Variants in ERBB3 observed in about 807,000 individuals in gnomAD.
ERBB3 encodes the protein receptor tyrosine-protein kinase erbB-3.
Under a neutral mutation model 156.7 loss-of-function variants are expected in ERBB3, and 96 were observed. The observed-to-expected ratio is 0.61, with a 90% CI of 0.52 to 0.73. The LOEUF (loss-of-function observed/expected upper bound fraction) is 0.73. Ranked by LOEUF, ERBB3 falls within the 30% of genes least tolerant of loss-of-function variation. The pLI is 0.00. For synonymous variants in ERBB3, 567 were observed against 632.0 expected (o/e 0.90, Z 1.54); for missense variants, 1,406 against 1,709.4 (o/e 0.82, Z 3.13).
chr12:56,097,302 G>C lies in ERBB3; in HGVS notation c.2460+72G>C, dbSNP rs1868921525. The C allele has an allele frequency of 1.1e-5, 16 of 1,500,698 alleles. No individual in the cohort carries two copies. In the South Asian group the frequency reaches 1.8e-4, roughly 17 times the overall value. 93.0% of individuals were successfully genotyped at this position (1,500,698 alleles called of 1,614,324 possible). A position where few individuals can be genotyped will look rare whatever the true frequency, so the allele number is the denominator to read the frequency against. ...GGGCCAGCCAGGAAAAAGTGAGAAGGTTGAAGTTCTGAGAGGTGAGGTCCC... is the reference window on the plus strand; with the variant it reads ...GGGCCAGCCAGGAAAAAGTGAGAAGCTTGAAGTTCTGAGAGGTGAGGTCCC... On this transcript the variant is annotated intron_variant, in intron 20 of 27. Coordinates refer to ENST00000267101, the MANE Select transcript of ERBB3 (RefSeq NM_001982.4).
chr12:56,097,263 A>G, intron 20 of ERBB3, 33 bp downstream of exon 20: 1 of 1,602,744 alleles, frequency 6.2e-7, no homozygotes, highest in South Asian at 1.1e-5. Context: ...CTGTGATAAG[A>G]ACTGCTTGTC....
In ERBB3 at chr12:56,084,984, C is replaced by T. The variant is rs2136787667; in HGVS notation, c.235-11C>T. On this transcript the variant is annotated splice_polypyrimidine_tract_variant and intron_variant, in intron 2 of 27. Transcript: ENST00000267101. ...TTGTCTCTCTCATTTACATAATCTG[C>T]TCTGTCACAGTGGATTCGAGAAGTG... The T allele has an allele frequency of 1.2e-6, 2 of 1,613,684 alleles. No individual in the cohort carries two copies. Among genetic ancestry groups the T allele is most frequent in the South Asian group, 2.2e-5 (2 of 91,072 alleles).
chr12:56,089,090 A>G (rs1226486230), intron 9 of ERBB3: 2 of 644,830 alleles, frequency 3.1e-6, no homozygotes, highest in Admixed American at 2.1e-5. Flanking sequence ...GCCAAGGAAC[A>G]AGGGACAGGA....
intron 23 of ERBB3, 115 bp downstream of exon 23, chr12:56,099,020 T>A (rs1868994643): frequency 1.0e-6 from 1 of 995,778 alleles, no homozygotes; most frequent in Non-Finnish European, 1.5e-6. Flanking sequence ...AATGGTGCAA[T>A]CAATCTTGGC....
chr12:56,099,630 C>T lies in ERBB3; in HGVS notation c.2840-18C>T. Reference sequence around the variant, plus strand: ...TGTATTCTCTTTTATGTCTCTACCTCCTACATCTTATCTCCAGGTTGGATG... The same window carrying T: ...TGTATTCTCTTTTATGTCTCTACCTTCTACATCTTATCTCCAGGTTGGATG... On this transcript the variant is annotated intron_variant, in intron 23 of 27. Coordinates refer to ENST00000267101, the MANE Select transcript of ERBB3 (RefSeq NM_001982.4). The T allele has an allele frequency of 1.2e-6, 2 of 1,604,894 alleles. No individual in the cohort carries two copies. Among genetic ancestry groups the T allele is most frequent in the East Asian group, 4.5e-5 (2 of 44,858 alleles).
intron 9 of ERBB3, among the ~76,000 whole-genome samples, chr12:56,090,699 T>TACACACAC: frequency 6.7e-6 from 1 of 149,832 alleles, no homozygotes; most frequent in South Asian, 2.1e-4. Context: ...TGTCTCTCTC[T>TACACACAC]ACACACACAC....
At chr12:56,084,876 GGAAA>G (rs1279400532) in intron 2 of ERBB3, 115 bp from the exon 3 acceptor site, 12 of 1,507,762 alleles carry the variant, frequency 8.0e-6, no homozygotes, top group Non-Finnish European at 9.9e-6. Flanking sequence ...AAAAAAGAAA[GGAAA>G]GAAAGAAGGA....
In ERBB3 at chr12:56,095,163, G is replaced by A. The variant is rs761517145; in HGVS notation, c.1860-94G>A. ...TCTGGGCTCCAGGATGGGATGCCAC[G>A]GTAAGTTCTGAAACAAGCTTTTATA... On this transcript the variant is annotated intron_variant, in intron 15 of 27. Transcript: ENST00000267101. 181 of 980,746 alleles carry A rather than the reference G, an allele frequency of 1.8e-4. 1 individual carries two copies. Among genetic ancestry groups the A allele is most frequent in the African/African-American group, 3.8e-4 (24 of 62,766 alleles). 60.8% of individuals were successfully genotyped at this position (980,746 alleles called of 1,614,324 possible).
chr12:56,083,257 C>A, intron 1 of ERBB3: 1 of 234,710 alleles, frequency 4.3e-6, no homozygotes, highest in South Asian at 6.1e-5. Context: ...CTGCCCCCAC[C>A]CTCTGCCCCC....
rs753940174 is a variant in ERBB3 at position 56,095,670 on chromosome 12, C to A, written c.1919C>A (p.Thr640Asn). 1 of 1,614,138 alleles carries A rather than the reference C, an allele frequency of 6.2e-7. No homozygotes were observed. The highest frequency in any genetic ancestry group is 1.1e-5 in the South Asian group (1 of 91,078). The change falls in exon 17 of 28, where the codon ACC becomes AAC. Residue 640 changes from threonine to asparagine, a missense_variant. Transcript: ENST00000267101. The part of the protein sequence containing the change: ...LGQTLVLIGK[T>N]HLTMALTVIA... Reference sequence around the variant, plus strand: ...GGTTTCTATATATCCCATAGCAAAACCCATCTGACAATGGCTTTGACAGTG... The same window carrying A: ...GGTTTCTATATATCCCATAGCAAAAACCATCTGACAATGGCTTTGACAGTG...
rs772365638 is a variant in ERBB3, at chr12:56,096,604, CTT to C, written c.2159_2160del (p.Phe720TrpfsTer11). 2 of 1,614,182 alleles carry C rather than the reference CTT, an allele frequency of 1.2e-6. No homozygotes were observed. Among genetic ancestry groups the C allele is most frequent in the Non-Finnish European group, 8.5e-7 (1 of 1,180,028 alleles). ...AGCTTAAAGTGCTTGGCTCGGGTGT[CTT>C]TGGAACTGTGCACAAAGTGAGTGAC... ...RKLKVLGSGV[F>X]GTVHKGVWIP... is the part of the protein sequence containing the mutation. On this transcript the variant is annotated frameshift_variant, in exon 18 of 28. Coordinates refer to ENST00000267101, the MANE Select transcript of ERBB3 (RefSeq NM_001982.4). LOFTEE classifies it high-confidence loss of function.
chr12:56,092,693 T>C (rs556047560), intron 9 of ERBB3, 54 bp from the exon 10 acceptor site: 10 of 1,255,144 alleles, frequency 8.0e-6, no homozygotes, highest in Non-Finnish European at 1.2e-5. Flanking sequence ...GGTGTGCTCA[T>C]TGCCATTGAG....
rs1425922004 is a variant in ERBB3 at position 56,085,011 on chromosome 12, C to G, written c.251C>G (p.Thr84Arg). Residue 84 changes from threonine to arginine, a missense_variant, in exon 3 of 28, where the codon ACA (threonine) becomes AGA (arginine). Physicochemically the swap from Thr to Arg is moderately conservative, Grantham distance 71. This residue lies in a region of ERBB3 where 979 missense variants were observed against 1,219.6 expected (regional missense o/e 0.80). Transcript: ENST00000267101. Reference protein sequence around the residue: ...LSFLQWIREVTGYVLVAMNEF... With the variant: ...LSFLQWIREVRGYVLVAMNEF... ...CTGTCACAGTGGATTCGAGAAGTGA[C>G]AGGCTATGTCCTCGTGGCCATGAAT... 1 of 1,613,970 alleles carries G rather than the reference C, an allele frequency of 6.2e-7. No homozygotes were observed. The highest frequency in any genetic ancestry group is 1.3e-5 in the African/African-American group (1 of 74,922).
At chr12:56,091,608 G>A (rs1868715159) in intron 9 of ERBB3, among the ~76,000 whole-genome samples, 1 of 151,164 alleles carries the variant, frequency 6.6e-6, no homozygotes, top group Admixed American at 6.6e-5. Flanking sequence ...AAAGTGCTGG[G>A]ATTATAGGCA....
intron 9 of ERBB3, among the ~76,000 whole-genome samples, chr12:56,091,711 C>G (rs887599902): frequency 8.6e-5 from 13 of 151,964 alleles, no homozygotes; most frequent in African/African-American, 3.1e-4. Context: ...TTGATTTGTC[C>G]CAGCACTCAC....
In ERBB3 at chr12:56,101,884, G is replaced by A; in HGVS notation, c.3858G>A (p.Glu1286=). The A allele has an allele frequency of 6.2e-7, 1 of 1,613,586 alleles. No homozygotes were observed. Among genetic ancestry groups the A allele is most frequent in the Non-Finnish European group, 8.5e-7 (1 of 1,179,916 alleles). ...YAAMGACPAS[E]QGYEEMRAFQ... ...CCATGGGGGCCTGCCCAGCATCTGA[G>A]CAAGGGTATGAAGAGATGAGAGCTT... is the stretch of plus-strand genomic sequence containing the variant. Residue 1286 remains glutamate, a synonymous_variant, in exon 28 of 28, where the codon GAG becomes GAA. Coordinates refer to ENST00000267101, the MANE Select transcript of ERBB3 (RefSeq NM_001982.4).
Position 56,085,304 on chromosome 12 carries a change from G to T in ERBB3, c.421+123G>T, listed in dbSNP as rs188955993. 4 of 1,580,008 alleles carry T rather than the reference G, an allele frequency of 2.5e-6. No individual in the cohort carries two copies. Among genetic ancestry groups the T allele is most frequent in the African/African-American group, 1.3e-5 (1 of 74,278 alleles). On this transcript the variant is annotated intron_variant, in intron 3 of 27. Coordinates refer to ENST00000267101, the MANE Select transcript of ERBB3 (RefSeq NM_001982.4). ...TTCCAAGGTGCCTGTCACCTTGGCC[G>T]CTGTCTAAAGGTCCATTGCTCCCTA...
In ERBB3 at chr12:56,088,054, G is replaced by A. The variant is rs2136795063; in HGVS notation, c.766G>A (p.Val256Ile). The A allele has an allele frequency of 6.2e-7, 1 of 1,614,132 alleles. No homozygotes were observed. Among genetic ancestry groups the A allele is most frequent in the Non-Finnish European group, 8.5e-7 (1 of 1,180,012 alleles). Reference sequence around the variant, plus strand: ...GCACTTCAATGACAGTGGAGCCTGTGTACCTCGCTGTCCACAGCCTCTTGT... The same window carrying A: ...GCACTTCAATGACAGTGGAGCCTGTATACCTCGCTGTCCACAGCCTCTTGT... ...CRHFNDSGACVPRCPQPLVYN... is the reference protein window; with the variant it reads ...CRHFNDSGACIPRCPQPLVYN... The change falls in exon 7 of 28, where the codon GTA becomes ATA. Residue 256 changes from valine (V) to isoleucine (I), a missense_variant. By Grantham distance (29) the Val-to-Ile change is conservative (BLOSUM62 3). This residue lies in a region of ERBB3 where 979 missense variants were observed against 1,219.6 expected (regional missense o/e 0.80). Transcript: ENST00000267101.
chr12:56,095,769 A>T lies in ERBB3; in HGVS notation c.2018A>T (p.Asn673Ile), dbSNP rs1453938942. The part of the protein sequence containing the change: ...FLYWRGRRIQ[N>I]KRAMRRYLER... ...TACTGGCGTGGGCGCCGGATTCAGA[A>T]TAAAAGGGCTATGAGGCGATACTTG... Residue 673 changes from asparagine to isoleucine, a missense_variant, in exon 17 of 28, where the codon AAT (asparagine) becomes ATT (isoleucine). Coordinates refer to ENST00000267101, the MANE Select transcript of ERBB3 (RefSeq NM_001982.4). The T allele has an allele frequency of 6.2e-7, 1 of 1,614,246 alleles. No individual in the cohort carries two copies.
Sources: allele counts gnomAD v4.1 joint callset (sites outside exome capture counted in the v4.1 genomes callset), GRCh38; gene constraint gnomAD v4.1.1; regional missense constraint gnomAD v4.1.1; transcripts MANE v1.5; gene names NCBI Gene and HGNC (gene_info 2026-07-23, HGNC 2026-07-21).